Variants in RTN1 observed in about 807,000 individuals in gnomAD.
RTN1 encodes reticulon-1.
RTN1 carries 25 observed loss-of-function variants against 65.5 expected under a neutral mutation model. The ratio of observed to expected loss-of-function variants is 0.38; its 90% confidence interval spans 0.28 to 0.53. The LOEUF (loss-of-function observed/expected upper bound fraction) is 0.53, where lower values mean the gene tolerates loss of function less well. Among genes scored for constraint, RTN1 ranks in the 20% least tolerant of loss-of-function variants. The probability of loss-of-function intolerance (pLI) is 0.79; values close to 1 mark genes in which losing one functional copy is unlikely to be tolerated. For missense variants in RTN1, 983 were observed against 1,025.4 expected, an observed-to-expected ratio of 0.96 and a Z score of 0.57; for synonymous variants, 471 against 447.6, an observed-to-expected ratio of 1.05 and a Z score of -0.66.
intron 5 of RTN1, chr14:59,604,763 A>G (rs561837044): frequency 1.3e-5 from 2 of 152,392 alleles, no homozygotes; most frequent in African/African-American, 4.8e-5. Flanking sequence ...ACCATGCCGA[A>G]TCACGATTGA....
chr14:59,695,318 T>A (rs1884040883), intron 3 of RTN1, among the ~76,000 whole-genome samples: 1 of 152,208 alleles, frequency 6.6e-6, no homozygotes, highest in Non-Finnish European at 1.5e-5. Context: ...ACAACCTTCA[T>A]CCTGCTTACT....
intron 1 of RTN1, among the ~76,000 whole-genome samples, chr14:59,748,209 G>GTTTT (rs1566710273): frequency 7.0e-4 from 66 of 94,616 alleles, no homozygotes; most frequent in African/African-American, 2.9e-3. Context: ...CAGTCTGTGA[G>GTTTT]GTTTTTTTTT....
At chr14:59,625,681 G>A (rs1882377325) in intron 3 of RTN1, among the ~76,000 whole-genome samples, 1 of 151,956 alleles carries the variant, frequency 6.6e-6, no homozygotes, top group South Asian at 2.1e-4. Flanking sequence ...AGGATTTTGG[G>A]TAATTAGTGG....
chr14:59,836,813 A>G lies in RTN1; in HGVS notation c.241+33577T>C, dbSNP rs1887220302. 6.6e-6 allele frequency among the ~76,000 whole-genome samples: 1 copy of G among 152,126 alleles called. No homozygotes were observed. Among genetic ancestry groups the G allele is most frequent in the Non-Finnish European group, 1.5e-5 (1 of 68,020 alleles). On this transcript the variant is annotated intron_variant, in intron 1 of 8. Coordinates refer to ENST00000267484, the MANE Select transcript of RTN1 (RefSeq NM_021136.3). The surrounding 1 kb of genome is among the most constrained non-coding windows in gnomAD (Gnocchi z 4.9). ...GGGTGCTTAGACAAACCAATCCAAA[A>G]GGTTCTAGGTGAAAAGGAAGGGAGT...
At chr14:59,621,028 G>T (rs1210816498) in intron 3 of RTN1, among the ~76,000 whole-genome samples, 1 of 152,228 alleles carries the variant, frequency 6.6e-6, no homozygotes, top group African/African-American at 2.4e-5. Context: ...AGGAGGTGAT[G>T]GGATCAGAGA....
At chr14:59,748,824 C>G (rs1007987397) in intron 1 of RTN1, among the ~76,000 whole-genome samples, 2 of 151,896 alleles carry the variant, frequency 1.3e-5, no homozygotes, top group Admixed American at 6.6e-5. Flanking sequence ...GAGTCTTACT[C>G]TGTCGCCCAG....
At chr14:59,855,684 T>C (rs1481891988) in intron 1 of RTN1, among the ~76,000 whole-genome samples, 1 of 152,194 alleles carries the variant, frequency 6.6e-6, no homozygotes, top group Non-Finnish European at 1.5e-5. Context: ...ACTATATATA[T>C]TGCTTAAATA....
chr14:59,624,241 A>AGTGTTC (rs1882332498), intron 3 of RTN1, among the ~76,000 whole-genome samples: 1 of 152,214 alleles, frequency 6.6e-6, no homozygotes, highest in Non-Finnish European at 1.5e-5. Flanking sequence ...ATAGAACACT[A>AGTGTTC]TACTTTTAAG....
At chr14:59,749,392 ATC>A (rs1388257986) in intron 1 of RTN1, among the ~76,000 whole-genome samples, 5 of 71,384 alleles carry the variant, frequency 7.0e-5, no homozygotes, top group Non-Finnish European at 1.1e-4. Flanking sequence ...ATCTATATAT[ATC>A]TATATATATC....
intron 3 of RTN1, among the ~76,000 whole-genome samples, chr14:59,692,239 G>C (rs1252043490): frequency 6.6e-6 from 1 of 152,104 alleles, no homozygotes; most frequent in Non-Finnish European, 1.5e-5. Context: ...AAAGTTTCAG[G>C]ATACAAATTC....
rs899663599 is a variant in RTN1 at position 59,857,354 on chromosome 14, C to T, written c.241+13036G>A. 2.0e-5 allele frequency among the ~76,000 whole-genome samples: 3 copies of T among 152,166 alleles called. 1 individual carries two copies. The highest frequency in any genetic ancestry group is 7.2e-5 in the African/African-American group (3 of 41,444). On this transcript the variant is annotated intron_variant, in intron 1 of 8. Coordinates refer to ENST00000267484, the MANE Select transcript of RTN1 (RefSeq NM_021136.3). ...AAATCCATTTCTTTATCTACAGTTGCCAAGTAGAAATTTCCATTCAAATGG... is the reference window on the plus strand; with the variant it reads ...AAATCCATTTCTTTATCTACAGTTGTCAAGTAGAAATTTCCATTCAAATGG...
intron 3 of RTN1, among the ~76,000 whole-genome samples, chr14:59,721,198 C>T (rs1487389084): frequency 6.6e-6 from 1 of 152,170 alleles, no homozygotes; most frequent in East Asian, 1.9e-4. Context: ...CAAATCACCC[C>T]TCCAAGGAAA....
At chr14:59,866,648 A>T (rs1030056590) in intron 1 of RTN1, among the ~76,000 whole-genome samples, 2 of 152,154 alleles carry the variant, frequency 1.3e-5, no homozygotes, top group African/African-American at 4.8e-5. Context: ...CACAGAAATA[A>T]ATTGCATTAG....
chr14:59,734,262 G>T (rs1386725781), intron 2 of RTN1, among the ~76,000 whole-genome samples: 1 of 152,158 alleles, frequency 6.6e-6, no homozygotes, highest in Non-Finnish European at 1.5e-5. Flanking sequence ...AGGTAGATAA[G>T]CCCACAAAAA....
chr14:59,744,277 T>C (rs1258706567), intron 2 of RTN1, among the ~76,000 whole-genome samples: 1 of 152,192 alleles, frequency 6.6e-6, no homozygotes, highest in Non-Finnish European at 1.5e-5. Flanking sequence ...CTTTGGGATA[T>C]GGTAGAATGC....
At chr14:59,744,398 G>A (rs1885174411) in intron 2 of RTN1, among the ~76,000 whole-genome samples, 2 of 152,288 alleles carry the variant, frequency 1.3e-5, no homozygotes, top group African/African-American at 4.8e-5. Context: ...AGAAGAGAGT[G>A]GCACAGGGTG....
intron 3 of RTN1, among the ~76,000 whole-genome samples, chr14:59,680,472 T>G (rs1255688638): frequency 6.6e-6 from 1 of 152,234 alleles, no homozygotes; most frequent in Non-Finnish European, 1.5e-5. Flanking sequence ...TTTGAGCTAA[T>G]CAGTGAATTC....
At position 59,836,325 on chromosome 14, in the gene RTN1, G is replaced by A. The variant is rs1373403439; in HGVS notation, c.241+34065C>T. Among the ~76,000 whole-genome samples the A allele has an allele frequency of 3.9e-5, 6 of 152,274 alleles. No homozygotes were observed. The highest frequency in any genetic ancestry group is 1.9e-4 in the East Asian group (1 of 5,178). On this transcript the variant is annotated intron_variant, in intron 1 of 8. Coordinates refer to ENST00000267484, the MANE Select transcript of RTN1 (RefSeq NM_021136.3). This position sits in a 1 kb window ranked among gnomAD's most constrained non-coding sequence, Gnocchi z 4.9. ...AGGCATGCTGCCAAGGGCTTTACACGCATCATCCCACTGAATCATTCTGAC... is the reference window on the plus strand; with the variant it reads ...AGGCATGCTGCCAAGGGCTTTACACACATCATCCCACTGAATCATTCTGAC...
intron 3 of RTN1, among the ~76,000 whole-genome samples, chr14:59,707,564 T>C (rs1884321341): frequency 6.6e-6 from 1 of 152,194 alleles, no homozygotes; most frequent in Non-Finnish European, 1.5e-5. Context: ...TTCTCAATAG[T>C]TGTTGATATA....
Sources: gnomAD v4.1 joint callset for allele counts (sites outside exome capture counted in the v4.1 genomes callset) on GRCh38, gnomAD v4.1.1 for gene constraint, Gnocchi (gnomAD v3.1) non-coding constraint, MANE v1.5 for transcripts, NCBI Gene and HGNC (gene_info 2026-07-23, HGNC 2026-07-21) for gene names.